CNTN4: variants seen among roughly 807,000 people sequenced by gnomAD.
CNTN4 encodes contactin-4.
In CNTN4, 77 loss-of-function variants were observed where a neutral mutation model predicts 122.5. The ratio of observed to expected loss-of-function variants is 0.63; its 90% CI spans 0.52 to 0.76. The LOEUF (loss-of-function observed/expected upper bound fraction) is 0.76. Among genes scored for constraint, CNTN4 ranks in the 30% least tolerant of loss-of-function variants. The pLI, the probability that CNTN4 is intolerant of heterozygous loss-of-function variation, is 0.00. For missense variants in CNTN4, 1,256 were observed against 1,259.1 expected, an observed-to-expected ratio of 1.00 and a Z score of 0.04; for synonymous variants, 512 against 447.0, an observed-to-expected ratio of 1.15 and a Z score of -1.83.
intron 3 of CNTN4, among the ~76,000 whole-genome samples, chr3:2,506,114 C>T (rs1217883673): frequency 6.6e-6 from 1 of 152,074 alleles, no homozygotes; most frequent in Non-Finnish European, 1.5e-5. Flanking sequence ...GGACGCCTTC[C>T]TTCTCATTTT....
At chr3:2,218,974 G>A (rs1362488591) in intron 2 of CNTN4, among the ~76,000 whole-genome samples, 2 of 152,226 alleles carry the variant, frequency 1.3e-5, no homozygotes, top group African/African-American at 4.8e-5. Context: ...TGCCGGAGCT[G>A]AAGGTGTGAG....
At chr3:2,902,210 CT>C (rs2094182027) in intron 11 of CNTN4, among the ~76,000 whole-genome samples, 2 of 152,054 alleles carry the variant, frequency 1.3e-5, no homozygotes, top group South Asian at 4.1e-4. Context: ...CTTTTTGATA[CT>C]TATGAAAATT....
chr3:2,796,160 T>G (rs1294946353), intron 6 of CNTN4, among the ~76,000 whole-genome samples: 1 of 152,104 alleles, frequency 6.6e-6, no homozygotes, highest in East Asian at 1.9e-4. Flanking sequence ...AAATACTTGG[T>G]TTTGGACCAA....
At chr3:2,602,221 T>C (rs575600513) in intron 4 of CNTN4, among the ~76,000 whole-genome samples, 100 of 152,182 alleles carry the variant, frequency 6.6e-4, no homozygotes, top group African/African-American at 2.4e-3. Context: ...CTATTCAACA[T>C]AGGGTTGAAA....
intron 3 of CNTN4, among the ~76,000 whole-genome samples, chr3:2,388,443 C>T (rs2046324789): frequency 6.6e-6 from 1 of 152,178 alleles, no homozygotes; most frequent in South Asian, 2.1e-4. Flanking sequence ...CTGGCCACAC[C>T]TTGCTATTAA....
At chr3:2,695,386 G>A (rs1050488612) in intron 4 of CNTN4, among the ~76,000 whole-genome samples, 4 of 152,146 alleles carry the variant, frequency 2.6e-5, no homozygotes, top group African/African-American at 9.7e-5. Context: ...CACCTTTTCA[G>A]TATTGAAGAT....
intron 2 of CNTN4, among the ~76,000 whole-genome samples, chr3:2,244,604 A>G (rs1559374393): frequency 6.6e-6 from 1 of 152,074 alleles, no homozygotes; most frequent in South Asian, 2.1e-4. Flanking sequence ...TTTTATCCCT[A>G]TCTCTTTACT....
chr3:2,590,621 C>G (rs146524366), intron 4 of CNTN4, among the ~76,000 whole-genome samples: 14 of 152,114 alleles, frequency 9.2e-5, no homozygotes, highest in African/African-American at 3.4e-4. Context: ...CTAACCTCAT[C>G]TCATACAACT....
chr3:2,348,467 T>G (rs993665511), intron 3 of CNTN4, among the ~76,000 whole-genome samples: 1 of 152,176 alleles, frequency 6.6e-6, no homozygotes, highest in African/African-American at 2.4e-5. Context: ...TCACCAGCCC[T>G]CAGGCCTATA....
intron 23 of CNTN4, among the ~76,000 whole-genome samples, chr3:3,047,402 AAGAAT>A (rs1700772801): frequency 1.3e-5 from 2 of 152,218 alleles, no homozygotes; most frequent in South Asian, 4.1e-4. Flanking sequence ...GCAAATGTAA[AAGAAT>A]AGAAATTACA....
chr3:2,738,237 T>C (rs951684605), intron 5 of CNTN4, among the ~76,000 whole-genome samples: 2 of 152,110 alleles, frequency 1.3e-5, no homozygotes, highest in African/African-American at 4.8e-5. Context: ...CAGATTATCA[T>C]AAAAGTAACC....
chr3:2,771,158 T>C (rs1210552215), intron 6 of CNTN4, among the ~76,000 whole-genome samples: 2 of 152,118 alleles, frequency 1.3e-5, no homozygotes, highest in Non-Finnish European at 2.9e-5. Context: ...GAAGTATACA[T>C]ACCCATGGGA....
chr3:2,788,606 AAT>A (rs1426131263), intron 6 of CNTN4, among the ~76,000 whole-genome samples: 1 of 152,190 alleles, frequency 6.6e-6, no homozygotes, highest in Non-Finnish European at 1.5e-5. Flanking sequence ...TGTCTTGTTA[AAT>A]TCTTTTCCAA....
At chr3:2,175,968 A>G (rs1559313474) in intron 2 of CNTN4, among the ~76,000 whole-genome samples, 1 of 152,178 alleles carries the variant, frequency 6.6e-6, no homozygotes, top group Non-Finnish European at 1.5e-5. Flanking sequence ...AATCTCATGA[A>G]CTCAAGTTAC....
intron 3 of CNTN4, among the ~76,000 whole-genome samples, chr3:2,412,025 T>G (rs185468688): frequency 6.6e-6 from 1 of 152,272 alleles, no homozygotes; most frequent in Admixed American, 6.5e-5. Flanking sequence ...TCTATCACCG[T>G]AGATTAATTT....
chr3:2,634,687 A>AT (rs1553599101), intron 4 of CNTN4, among the ~76,000 whole-genome samples: 3,310 of 133,062 alleles, frequency 0.025, 62 homozygotes, highest in African/African-American at 0.044. Context: ...AAAAAAAAAA[A>AT]ATATATATAT....
chr3:2,347,235 G>T (rs1194996545), intron 3 of CNTN4, among the ~76,000 whole-genome samples: 2 of 152,082 alleles, frequency 1.3e-5, no homozygotes, highest in African/African-American at 2.4e-5. Flanking sequence ...TAACAGGGGA[G>T]CTCTGTCTTG....
At chr3:2,343,228 AC>A (rs1043028021) in intron 3 of CNTN4, among the ~76,000 whole-genome samples, 2 of 151,822 alleles carry the variant, frequency 1.3e-5, no homozygotes, top group African/African-American at 4.8e-5. Flanking sequence ...GGAAAACCCC[AC>A]CTCCCCACAA....
chr3:2,313,804 A>G (rs934851426), intron 2 of CNTN4, among the ~76,000 whole-genome samples: 19 of 152,158 alleles, frequency 1.2e-4, no homozygotes, highest in African/African-American at 4.6e-4. Flanking sequence ...AAAGCATTTC[A>G]GGCATACCCA....
Sources: gnomAD v4.1 joint callset for allele counts (sites outside exome capture counted in the v4.1 genomes callset) on GRCh38, gnomAD v4.1.1 for gene constraint, MANE v1.5 for transcripts, NCBI Gene and HGNC (gene_info 2026-07-23, HGNC 2026-07-21) for gene names.